Variants in HHAT observed in about 807,000 individuals in gnomAD.
The protein encoded by HHAT is hedgehog acyltransferase, also known as protein-cysteine N-palmitoyltransferase HHAT.
Under a neutral mutation model 70.8 loss-of-function variants are expected in HHAT, and 47 were observed. That is an observed-to-expected ratio of 0.66 (90% confidence interval 0.53 to 0.85). The LOEUF is 0.85. Among genes scored for constraint, HHAT ranks in the 40% least tolerant of loss-of-function variants. The probability of loss-of-function intolerance (pLI) is 0.00; values close to 1 mark genes in which losing one functional copy is unlikely to be tolerated. For missense variants in HHAT, 609 were observed against 604.8 expected (o/e 1.01, Z -0.07); for synonymous variants, 228 against 247.6 (o/e 0.92, Z 0.74).
chr1:210,410,508 G>C (rs1367726614), intron 6 of HHAT, among the ~76,000 whole-genome samples: 3 of 137,532 alleles, frequency 2.2e-5, no homozygotes, highest in African/African-American at 8.4e-5. Context: ...CTTTTGCTGT[G>C]TTGTTTATTT....
chr1:210,435,377 A>G (rs1175750413), intron 7 of HHAT, among the ~76,000 whole-genome samples: 1 of 151,756 alleles, frequency 6.6e-6, no homozygotes, highest in Admixed American at 6.6e-5. Context: ...TCATTAATGG[A>G]CATTTAGGTT....
intron 9 of HHAT, among the ~76,000 whole-genome samples, chr1:210,519,251 G>A (rs1164967926): frequency 6.6e-6 from 1 of 152,180 alleles, no homozygotes; most frequent in Non-Finnish European, 1.5e-5. Context: ...CTGTGCATCT[G>A]TTGTTGGACA....
chr1:210,331,248 C>CG lies in HHAT; in HGVS notation c.-44+2144_-44+2145insG, dbSNP rs1447473470. ...TTTTTCTGCAACTAGGCAGTCCCAT[C>CG]TGGGGGGGTGTGTTGGTAGACATTG... On this transcript the variant is annotated intron_variant, in intron 1 of 11. Transcript: ENST00000261458. Among the ~76,000 whole-genome samples the CG allele has an allele frequency of 5.4e-5, 8 of 148,088 alleles. No individual in the cohort carries two copies. In the South Asian group the frequency reaches 6.4e-4, roughly 12 times the overall value.
intron 8 of HHAT, among the ~76,000 whole-genome samples, chr1:210,472,162 CA>C (rs771423763): frequency 2.0e-5 from 3 of 152,218 alleles, no homozygotes; most frequent in Non-Finnish European, 4.4e-5. Flanking sequence ...CACGCACACA[CA>C]CTCAAGTATA....
rs2092780997 is a variant in HHAT, at chr1:210,418,162, G to A, written c.693G>A (p.Gln231=). The A allele has an allele frequency of 6.2e-7, 1 of 1,614,026 alleles. No homozygotes were observed. The highest frequency in any genetic ancestry group is 1.3e-5 in the African/African-American group (1 of 74,918). ...SFSEFIKQMQ[Q]QEHDSLKASL... ...TTTTGTTTCCACTTTAGATGCAGCA[G>A]CAGGAGCATGACTCCCTGAAGGCCA... The change falls in exon 7 of 12, where the codon CAG becomes CAA. Residue 231 remains glutamine, a synonymous_variant. Transcript: ENST00000261458.
chr1:210,597,027 CT>C (rs1388585504), intron 10 of HHAT, among the ~76,000 whole-genome samples: 7 of 152,180 alleles, frequency 4.6e-5, no homozygotes, highest in African/African-American at 1.7e-4. Context: ...GTTGCTCTAA[CT>C]GTATTTGCAT....
intron 9 of HHAT, among the ~76,000 whole-genome samples, chr1:210,519,529 T>A (rs960998703): frequency 4.1e-4 from 51 of 123,860 alleles, no homozygotes; most frequent in East Asian, 3.0e-3. Flanking sequence ...TTTCTTTGCT[T>A]TTTTTTTTTT....
At chr1:210,336,986 A>G (rs1054972457) in intron 1 of HHAT, among the ~76,000 whole-genome samples, 4 of 152,242 alleles carry the variant, frequency 2.6e-5, no homozygotes, top group South Asian at 2.1e-4. Context: ...GAAAGAATGC[A>G]ATATCACATC....
chr1:210,429,173 G>A (rs191919414), intron 7 of HHAT, among the ~76,000 whole-genome samples: 1 of 151,674 alleles, frequency 6.6e-6, no homozygotes, highest in East Asian at 1.9e-4. Context: ...AAACACAATG[G>A]ATCTACCATG....
chr1:210,463,410 G>A (rs2094022700), intron 7 of HHAT, among the ~76,000 whole-genome samples: 1 of 152,122 alleles, frequency 6.6e-6, no homozygotes, highest in Admixed American at 6.5e-5. Context: ...AATACAATAT[G>A]TGGTATTTTG....
At position 210,400,521 on chromosome 1, in the gene HHAT, G is replaced by A. The variant is rs1325708729; in HGVS notation, c.327G>A (p.Leu109=). ...LYGMWACWCV[L]GTPGVAMVLL... ...GGATGTGGGCCTGCTGGTGTGTGCT[G>A]GGGACCCCTGGTGTGGCTATGGTTT... The change falls in exon 5 of 12, where the codon CTG becomes CTA. Residue 109 remains leucine, a synonymous_variant. Coordinates refer to ENST00000261458, the MANE Select transcript of HHAT (RefSeq NM_018194.6). 6.2e-7 allele frequency: 1 copy of A among 1,613,986 alleles called. No individual in the cohort carries two copies. Among genetic ancestry groups the A allele is most frequent in the Non-Finnish European group, 8.5e-7 (1 of 1,179,980 alleles).
chr1:210,373,998 A>T (rs142040463), intron 3 of HHAT, among the ~76,000 whole-genome samples: 97 of 152,358 alleles, frequency 6.4e-4, no homozygotes, highest in African/African-American at 2.2e-3. Flanking sequence ...GACTTTTATC[A>T]TGCAAGTATT....
rs370577297 is a variant in HHAT, at chr1:210,484,477, C to G, written c.1007+19822C>G. On this transcript the variant is annotated intron_variant, in intron 8 of 11. Transcript: ENST00000261458. ...AAGAATGAATTTTGTCTGATTTATC[C>G]GCTGTTACCATAGCTACTTTTTTTT... Among the ~76,000 whole-genome samples, 27 of 146,034 alleles carry G rather than the reference C, an allele frequency of 1.8e-4. No homozygotes were observed. In the East Asian group the frequency reaches 4.3e-3, roughly 24 times the overall value.
intron 7 of HHAT, among the ~76,000 whole-genome samples, chr1:210,434,015 T>C (rs997977988): frequency 6.6e-6 from 1 of 151,922 alleles, no homozygotes; most frequent in Non-Finnish European, 1.5e-5. Flanking sequence ...AACACTGATA[T>C]TTGACAGGTA....
chr1:210,467,106 G>A (rs2148448377), intron 8 of HHAT, among the ~76,000 whole-genome samples: 1 of 152,280 alleles, frequency 6.6e-6, no homozygotes, highest in Non-Finnish European at 1.5e-5. Context: ...GCATGCATAG[G>A]TGTAGGTTTT....
chr1:210,348,347 C>T (rs2086698524), intron 1 of HHAT, among the ~76,000 whole-genome samples: 2 of 152,182 alleles, frequency 1.3e-5, no homozygotes, highest in Non-Finnish European at 2.9e-5. Flanking sequence ...GTGATCCTCC[C>T]ATCTTGGCCT....
At position 210,421,374 on chromosome 1, in the gene HHAT, A is replaced by G. The variant is rs544760776; in HGVS notation, c.856+3049A>G. 3.9e-5 allele frequency among the ~76,000 whole-genome samples: 6 copies of G among 152,274 alleles called. No individual in the cohort carries two copies. In the South Asian group the frequency reaches 1.2e-3, roughly 32 times the overall value. ...CTGGTGGGTGTGAATTTTATCTCAT[A>G]GTTTTAATTTGCCTTTCCTTGGCTA... On this transcript the variant is annotated intron_variant, in intron 7 of 11. Coordinates refer to ENST00000261458, the MANE Select transcript of HHAT (RefSeq NM_018194.6).
intron 3 of HHAT, among the ~76,000 whole-genome samples, chr1:210,376,204 C>T (rs2090202970): frequency 6.6e-6 from 1 of 151,882 alleles, no homozygotes; most frequent in African/African-American, 2.4e-5. Context: ...TGCTATTAAG[C>T]CCATCTAGTA....
Position 210,419,969 on chromosome 1 carries a change from A to G in HHAT, c.856+1644A>G, listed in dbSNP as rs999477544. 5.3e-5 allele frequency among the ~76,000 whole-genome samples: 8 copies of G among 152,326 alleles called. No homozygotes were observed. The South Asian group carries it at 1.5e-3, about 28-fold the overall frequency. On this transcript the variant is annotated intron_variant, in intron 7 of 11. Coordinates refer to ENST00000261458, the MANE Select transcript of HHAT (RefSeq NM_018194.6). ...AATAAGGAAGTTATTCCATATAACA[A>G]TGATACTTAAGATCGGCACTAGGGG...
Sources: gnomAD v4.1 joint callset for allele counts (sites outside exome capture counted in the v4.1 genomes callset) on GRCh38, gnomAD v4.1.1 for gene constraint, MANE v1.5 for transcripts, NCBI Gene and HGNC (gene_info 2026-07-23, HGNC 2026-07-21) for gene names.